TBC1D30: variants seen among roughly 807,000 people sequenced by gnomAD.
The protein encoded by TBC1D30 is TBC1 domain family, member 30.
A neutral mutation model predicts 63.2 loss-of-function variants in TBC1D30; 31 were observed. The ratio of observed to expected loss-of-function variants is 0.49; its 90% CI spans 0.37 to 0.66. The LOEUF is 0.66. Ranked by LOEUF, TBC1D30 falls within the 30% of genes least tolerant of loss-of-function variation. The pLI is 0.00. For missense variants in TBC1D30, 810 were observed against 953.6 expected, an observed-to-expected ratio of 0.85 and a Z score of 1.98; for synonymous variants, 307 against 361.5, an observed-to-expected ratio of 0.85 and a Z score of 1.71.
intron 9 of TBC1D30, 101 bp downstream of exon 9, chr12:64,864,881 G>T: frequency 1.2e-6 from 1 of 802,724 alleles, no homozygotes; most frequent in Non-Finnish European, 1.9e-6. Flanking sequence ...ATATGTTAAA[G>T]TAAGTTGACA....
At chr12:64,763,579 A>G (rs976618294) in intron 1 of TBC1D30, among the ~76,000 whole-genome samples, 2 of 148,962 alleles carry the variant, frequency 1.3e-5, no homozygotes, top group African/African-American at 4.9e-5. Context: ...TTTCTCATTC[A>G]TCTTTATCAC....
intron 8 of TBC1D30, among the ~76,000 whole-genome samples, chr12:64,846,977 CT>C (rs1300921672): frequency 6.6e-6 from 1 of 151,166 alleles, no homozygotes; most frequent in Non-Finnish European, 1.5e-5. Flanking sequence ...TTTAAAATTT[CT>C]TTTTCAGATT....
intron 2 of TBC1D30, among the ~76,000 whole-genome samples, chr12:64,807,407 G>T (rs1355755177): frequency 6.6e-6 from 1 of 152,186 alleles, no homozygotes; most frequent in East Asian, 1.9e-4. Flanking sequence ...ATGGAGAGTT[G>T]TTGTTTAATG....
At chr12:64,775,958 CAA>C (rs543824972), upstream of TBC1D30, among the ~76,000 whole-genome samples, 452 of 152,270 alleles carry the variant, frequency 3.0e-3, no homozygotes, top group African/African-American at 0.01. Flanking sequence ...AATTAGAACT[CAA>C]GATTAGGAAA....
chr12:64,837,980 A>G (rs1434544064), intron 6 of TBC1D30, among the ~76,000 whole-genome samples: 1 of 152,212 alleles, frequency 6.6e-6, no homozygotes, highest in Non-Finnish European at 1.5e-5. Flanking sequence ...GTATAATTGT[A>G]CATATTGGCT....
intron 8 of TBC1D30, among the ~76,000 whole-genome samples, chr12:64,852,073 G>T (rs1475275808): frequency 6.6e-6 from 1 of 152,182 alleles, no homozygotes; most frequent in African/African-American, 2.4e-5. Flanking sequence ...TGTCTTGCTA[G>T]ATTGGGGAAG....
chr12:64,862,506 G>C (rs1160801784), intron 8 of TBC1D30, among the ~76,000 whole-genome samples: 1 of 152,180 alleles, frequency 6.6e-6, no homozygotes, highest in Admixed American at 6.5e-5. Context: ...TCAGAGCCTA[G>C]ACCATCATCC....
chr12:64,855,221 C>T (rs1174289254), intron 8 of TBC1D30, among the ~76,000 whole-genome samples: 1 of 151,964 alleles, frequency 6.6e-6, no homozygotes, highest in Non-Finnish European at 1.5e-5. Flanking sequence ...TTGTATGTTA[C>T]TCATTTTTTT....
At position 64,816,233 on chromosome 12, in the gene TBC1D30, A is replaced by G. The variant is rs907704135; in HGVS notation, c.644-11602A>G. 1.2e-3 allele frequency among the ~76,000 whole-genome samples: 181 copies of G among 152,090 alleles called. 2 individuals carry two copies. The highest frequency in any genetic ancestry group is 1.9e-4 in the Non-Finnish European group (13 of 67,980). ...TTTTTAGTAGAGATGGGGTTTCACC[A>G]TGTTGGCCAGGCTGGTCTCGAATTC... On this transcript the variant is annotated intron_variant, in intron 2 of 12. Transcript: ENST00000542120.
Position 64,875,615 on chromosome 12 carries a change from A to G in TBC1D30, c.2113A>G (p.Lys705Glu). ...TSKAPQGSNS[K>E]TPIFSPFPSV... ...CAAAGCTCCCCAAGGCAGCAACTCA[A>G]AAACCCCCATCTTTAGCCCTTTTCC... Residue 705 changes from lysine to glutamate, a missense_variant, in exon 12 of 12, where the codon AAA becomes GAA. Lys to Glu is a moderately conservative substitution (Grantham distance 56). Transcript: ENST00000539867. 1 of 1,536,230 alleles carries G rather than the reference A, an allele frequency of 6.5e-7. No individual in the cohort carries two copies. The highest frequency in any genetic ancestry group is 2.4e-5 in the East Asian group (1 of 40,916).
At chr12:64,807,279 C>T (rs576073723) in intron 2 of TBC1D30, among the ~76,000 whole-genome samples, 2 of 152,350 alleles carry the variant, frequency 1.3e-5, no homozygotes, top group Admixed American at 1.3e-4. Context: ...TCCCCTTCCA[C>T]CATGATTATA....
intron 9 of TBC1D30, 24 bp downstream of exon 9, chr12:64,864,804 G>A (rs1323295143): frequency 1.4e-6 from 2 of 1,446,998 alleles, no homozygotes; most frequent in Admixed American, 4.0e-5. Flanking sequence ...ATTCCTTGTT[G>A]TTTTCATGAT....
exon 1 of TBC1D30, chr12:64,780,670 C>A (rs894708655): frequency 2.1e-5 from 17 of 827,182 alleles, no homozygotes; most frequent in Non-Finnish European, 2.5e-5. Context: ...GGCCCGGGCA[C>A]CTCGGGGATC....
rs2656839 is a variant in TBC1D30, at chr12:64,880,082, G to C, written c.*4294G>C. 6.6e-6 allele frequency: 1 copy of C among 152,172 alleles called. No homozygotes were observed. The highest frequency in any genetic ancestry group is 1.5e-5 in the Non-Finnish European group (1 of 68,048). The allele number at this position is 152,172 out of a possible 1,614,324, so 9.4% of individuals were successfully genotyped here. A position where few individuals can be genotyped will look rare whatever the true frequency, so the allele number is the denominator to read the frequency against. Reference sequence around the variant, plus strand: ...CGGTGAGTATTTGGACCATTGAAGTGGGAGTTATCTGTTATCCACATCAGG... The same window carrying C: ...CGGTGAGTATTTGGACCATTGAAGTCGGAGTTATCTGTTATCCACATCAGG... On this transcript the variant is annotated 3_prime_UTR_variant, in exon 12 of 12. Transcript: ENST00000539867.
chr12:64,812,644 T>A (rs1449616299), intron 2 of TBC1D30, among the ~76,000 whole-genome samples: 1 of 152,176 alleles, frequency 6.6e-6, no homozygotes, highest in Non-Finnish European at 1.5e-5. Context: ...AAAAAAATGG[T>A]TGAACCAAAT....
In TBC1D30 at chr12:64,830,361, C is replaced by A; in HGVS notation, c.283-16C>A. The A allele has an allele frequency of 6.6e-7, 1 of 1,510,048 alleles. No individual in the cohort carries two copies. The highest frequency in any genetic ancestry group is 8.9e-7 in the Non-Finnish European group (1 of 1,127,352). 93.5% of individuals were successfully genotyped at this position (1,510,048 alleles called of 1,614,324 possible). A position where few individuals can be genotyped will look rare whatever the true frequency, so the allele number is the denominator to read the frequency against. On this transcript the variant is annotated splice_polypyrimidine_tract_variant and intron_variant, in intron 3 of 11. Coordinates refer to ENST00000539867, the MANE Select transcript of TBC1D30 (RefSeq NM_015279.2). ...ATTCTACTTTGGCATTCTCCTTTGT[C>A]TATGTAATATTTTAGGTTTGGTTGA... is the stretch of plus-strand genomic sequence containing the variant.
At chr12:64,815,980 G>A (rs1183697074) in intron 2 of TBC1D30, among the ~76,000 whole-genome samples, 1 of 151,318 alleles carries the variant, frequency 6.6e-6, no homozygotes, top group East Asian at 1.9e-4. Flanking sequence ...GTTTTGTCAT[G>A]TTGCTCAGGC....
intron 2 of TBC1D30, among the ~76,000 whole-genome samples, chr12:64,801,799 C>G (rs932003548): frequency 2.0e-5 from 3 of 152,066 alleles, no homozygotes; most frequent in Non-Finnish European, 4.4e-5. Context: ...TATCAGGCAG[C>G]AGGAGAATAG....
chr12:64,849,275 T>C (rs1378961343), intron 8 of TBC1D30, among the ~76,000 whole-genome samples: 1 of 152,226 alleles, frequency 6.6e-6, no homozygotes, highest in Admixed American at 6.5e-5. Context: ...AGCTCTTTAG[T>C]TTAATTAGAT....
Sources: allele counts gnomAD v4.1 joint callset (sites outside exome capture counted in the v4.1 genomes callset), GRCh38; gene constraint gnomAD v4.1.1; transcripts MANE v1.5; gene names NCBI Gene and HGNC (gene_info 2026-07-23, HGNC 2026-07-21).